The following CCSER2 variants were observed in gnomAD, a reference collection of about 807,000 sequenced individuals.
CCSER2 encodes coiled-coil serine rich protein 2, also known as serine-rich coiled-coil domain-containing protein 2.
In CCSER2, 46 loss-of-function variants were observed where a neutral mutation model predicts 92.3. That is an observed-to-expected ratio of 0.50 (90% CI 0.39 to 0.64). The LOEUF is 0.64. Among genes scored for constraint, CCSER2 ranks in the 30% least tolerant of loss-of-function variants. The probability of loss-of-function intolerance (pLI) is 0.00; values close to 1 mark genes in which losing one functional copy is unlikely to be tolerated. For synonymous variants in CCSER2, 433 were observed against 431.4 expected (o/e 1.00, Z -0.04); for missense variants, 1,244 against 1,238.9 (o/e 1.00, Z -0.06).
intron 3 of CCSER2, chr10:84,391,400 A>G: frequency 6.7e-7 from 1 of 1,494,432 alleles, no homozygotes; most frequent in Non-Finnish European, 9.3e-7. Flanking sequence ...GCATCAGTGG[A>G]TGCAGGATAA....
chr10:84,359,487 C>T (rs993706261), intron 1 of CCSER2, among the ~76,000 whole-genome samples: 1 of 152,162 alleles, frequency 6.6e-6, no homozygotes, highest in African/African-American at 2.4e-5. Context: ...TACAGAATTG[C>T]TGAGCACTAT....
At chr10:84,485,386 C>G (rs539101196) in intron 9 of CCSER2, among the ~76,000 whole-genome samples, 1 of 152,294 alleles carries the variant, frequency 6.6e-6, no homozygotes, top group Admixed American at 6.5e-5. Flanking sequence ...CTTTCTCTCA[C>G]CATTCCTAAC....
chr10:84,453,240 T>G (rs575599822), intron 6 of CCSER2, among the ~76,000 whole-genome samples: 1 of 152,318 alleles, frequency 6.6e-6, no homozygotes. Context: ...TTTAAATTGA[T>G]CAGAACAATA....
At chr10:84,467,452 C>T (rs1308541194) in intron 7 of CCSER2, among the ~76,000 whole-genome samples, 2 of 152,074 alleles carry the variant, frequency 1.3e-5, no homozygotes, top group Non-Finnish European at 2.9e-5. Flanking sequence ...CTCTCTCTCA[C>T]CCCCCACATA....
At chr10:84,418,073 C>A (rs1414675096) in intron 4 of CCSER2, among the ~76,000 whole-genome samples, 1 of 152,106 alleles carries the variant, frequency 6.6e-6, no homozygotes, top group African/African-American at 2.4e-5. Flanking sequence ...TCTCTATCAT[C>A]CAATAACATT....
At chr10:84,415,510 T>G (rs1842847219) in intron 3 of CCSER2, among the ~76,000 whole-genome samples, 1 of 152,232 alleles carries the variant, frequency 6.6e-6, no homozygotes, top group Non-Finnish European at 1.5e-5. Flanking sequence ...ACAGCAAAGA[T>G]GGCAACCTGA....
At chr10:84,387,082 C>A (rs74147554) in intron 3 of CCSER2, among the ~76,000 whole-genome samples, 11,651 of 151,210 alleles carry the variant, frequency 0.077, 500 homozygotes, top group Middle Eastern at 0.12. Context: ...AATCTAAAAT[C>A]AAAAAAAAAT....
chr10:84,487,814 G>C (rs1036149815), intron 9 of CCSER2, among the ~76,000 whole-genome samples: 4 of 152,168 alleles, frequency 2.6e-5, no homozygotes, highest in African/African-American at 9.7e-5. Context: ...TCCCTGTCTT[G>C]TGCCAGTTTC....
At chr10:84,465,532 T>C (rs1846367151) in intron 7 of CCSER2, among the ~76,000 whole-genome samples, 1 of 151,478 alleles carries the variant, frequency 6.6e-6, no homozygotes, top group Non-Finnish European at 1.5e-5. Flanking sequence ...CACCATGTTG[T>C]CCAGGCTGGT....
intron 3 of CCSER2, among the ~76,000 whole-genome samples, chr10:84,392,408 C>A (rs1336306619): frequency 1.3e-5 from 2 of 149,146 alleles, no homozygotes; most frequent in Non-Finnish European, 3.0e-5. Flanking sequence ...AAAACAGGAA[C>A]CATATAAATG....
Position 84,339,098 on chromosome 10 carries a change from TTTTTC to T in CCSER2, c.-40+10305_-40+10309del, listed in dbSNP as rs751277892. Among the ~76,000 whole-genome samples, 102 of 150,798 alleles carry T rather than the reference TTTTTC, an allele frequency of 6.8e-4. 1 individual carries two copies. In the East Asian group the frequency reaches 0.016, roughly 23 times the overall value. Reference sequence around the variant, plus strand: ...CTCCCTATTCTCTACAGAAGTTAATTTTTTCTTTTCTTTTCTTTTTTTTTTGTTTT... The same window carrying T: ...CTCCCTATTCTCTACAGAAGTTAATTTTTTCTTTTCTTTTTTTTTTGTTTT... On this transcript the variant is annotated intron_variant, in intron 1 of 9. Transcript: ENST00000372088.
At chr10:84,513,191 C>A (rs1849454895) in intron 9 of CCSER2, among the ~76,000 whole-genome samples, 1 of 152,002 alleles carries the variant, frequency 6.6e-6, no homozygotes, top group Admixed American at 6.6e-5. Flanking sequence ...TAAATTAGTA[C>A]TTTAATGTTT....
Position 84,372,478 on chromosome 10 carries a change from TAC to T in CCSER2, c.1417+10_1417+11del, listed in dbSNP as rs1846115828. On this transcript the variant is annotated intron_variant, in intron 2 of 9. Coordinates refer to ENST00000372088, the MANE Select transcript of CCSER2 (RefSeq NM_001284240.2). ...AGATATAAGTGTCTCTGGTAAATAT[TAC>T]TTACCTTAAGTTTTTTTGCTTTCTT... The T allele has an allele frequency of 6.8e-7, 1 of 1,471,324 alleles. No individual in the cohort carries two copies. The highest frequency in any genetic ancestry group is 1.4e-5 in the African/African-American group (1 of 70,494). The allele number at this position is 1,471,324 out of a possible 1,614,324, so 91.1% of individuals were successfully genotyped here.
rs1849581511 is a variant in CCSER2, at chr10:84,515,831, T to C, written c.*1564T>C. ...AGACAATATTCTTATTTTAATACGC[T>C]GTAGAAGGTAGGTGTGGAACCTCCA... On this transcript the variant is annotated 3_prime_UTR_variant, in exon 10 of 10. Transcript: ENST00000372088. 1 of 152,216 alleles carries C rather than the reference T, an allele frequency of 6.6e-6. No homozygotes were observed. The highest frequency in any genetic ancestry group is 1.5e-5 in the Non-Finnish European group (1 of 68,034). The allele number at this position is 152,216 out of a possible 1,614,324, so 9.4% of individuals were successfully genotyped here. A position where few individuals can be genotyped will look rare whatever the true frequency, so the allele number is the denominator to read the frequency against.
intron 3 of CCSER2, among the ~76,000 whole-genome samples, chr10:84,393,161 G>T (rs1331877027): frequency 5.9e-5 from 9 of 152,100 alleles, no homozygotes; most frequent in Non-Finnish European, 1.5e-5. Flanking sequence ...GCTAGTCCTT[G>T]AAATGTCTTT....
At chr10:84,381,235 T>C (rs1312166152) in intron 3 of CCSER2, among the ~76,000 whole-genome samples, 1 of 152,192 alleles carries the variant, frequency 6.6e-6, no homozygotes, top group African/African-American at 2.4e-5. Context: ...CAGCAGATGT[T>C]TGTTATTTTG....
chr10:84,405,476 C>A (rs1403093751), intron 3 of CCSER2, among the ~76,000 whole-genome samples: 2 of 152,076 alleles, frequency 1.3e-5, no homozygotes, highest in African/African-American at 4.8e-5. Flanking sequence ...AAATTAAAAA[C>A]CTTTGTTATA....
intron 1 of CCSER2, among the ~76,000 whole-genome samples, chr10:84,353,041 C>T (rs1213540459): frequency 6.6e-6 from 1 of 152,222 alleles, no homozygotes; most frequent in Non-Finnish European, 1.5e-5. Context: ...ATCCACCTGC[C>T]TTGGCCTCCC....
chr10:84,460,204 C>T (rs144791853), intron 6 of CCSER2, among the ~76,000 whole-genome samples: 2 of 149,092 alleles, frequency 1.3e-5, no homozygotes, highest in African/African-American at 4.9e-5. Context: ...ATTCTCCTGC[C>T]TTGGCCTCCT....
Sources: allele counts gnomAD v4.1 joint callset (sites outside exome capture counted in the v4.1 genomes callset), GRCh38; gene constraint gnomAD v4.1.1; transcripts MANE v1.5; gene names NCBI Gene and HGNC (gene_info 2026-07-23, HGNC 2026-07-21).